Variants in BRWD1 observed in about 807,000 individuals in gnomAD.
BRWD1 encodes bromodomain and WD repeat domain containing 1, also known as bromodomain and WD repeat-containing protein 1.
A neutral mutation model predicts 251.2 loss-of-function variants in BRWD1; 82 were observed. The observed-to-expected ratio is 0.33, with a 90% CI of 0.27 to 0.39. BRWD1 has a LOEUF of 0.39. Among genes scored for constraint, BRWD1 ranks in the 10% least tolerant of loss-of-function variants. The pLI, the probability that BRWD1 is intolerant of heterozygous loss-of-function variation, is 1.00. For synonymous variants in BRWD1, 918 were observed against 902.8 expected (o/e 1.02, Z -0.30); for missense variants, 2,233 against 2,711.6 (o/e 0.82, Z 3.92).
intron 28 of BRWD1, 21 bp from the exon 29 acceptor site, chr21:39,224,490 T>C (rs2033304186): frequency 1.3e-6 from 2 of 1,564,654 alleles, no homozygotes; most frequent in African/African-American, 2.7e-5. Flanking sequence ...ACAACAAATC[T>C]CTGGTTAGCC....
chr21:39,288,891 A>G (rs1037622552), intron 8 of BRWD1, among the ~76,000 whole-genome samples: 3 of 152,206 alleles, frequency 2.0e-5, no homozygotes, highest in African/African-American at 7.2e-5. Context: ...CAGAGGTGGA[A>G]GAAAATCTAT....
At chr21:39,258,122 T>C (rs1006245427) in intron 18 of BRWD1, among the ~76,000 whole-genome samples, 6 of 152,166 alleles carry the variant, frequency 3.9e-5, no homozygotes, top group Admixed American at 6.5e-5. Context: ...AACTTTCTGA[T>C]TCAATAAGAA....
chr21:39,296,501 G>A, intron 5 of BRWD1, 138 bp from the exon 6 acceptor site: 1 of 1,262,474 alleles, frequency 7.9e-7, no homozygotes, highest in Non-Finnish European at 1.0e-6. Flanking sequence ...AAAAGCCCTG[G>A]AGGTTTATTA....
At chr21:39,277,821 C>G (rs1483054729) in intron 10 of BRWD1, among the ~76,000 whole-genome samples, 4 of 152,058 alleles carry the variant, frequency 2.6e-5, no homozygotes, top group Non-Finnish European at 5.9e-5. Context: ...CCGCCTCAGC[C>G]TCCTAAAGTG....
chr21:39,192,741 T>G lies in BRWD1; in HGVS notation c.*3518A>C, dbSNP rs1239916588. ...AAAGTTACTCAAAAAATTGATACAA[T>G]GGAGTGGAAAGGAAAACAAAAAAGA... is the stretch of plus-strand genomic sequence containing the variant. On this transcript the variant is annotated 3_prime_UTR_variant, in exon 41 of 41. Coordinates refer to ENST00000342449, the MANE Select transcript of BRWD1 (RefSeq NM_033656.4). 1 of 984,892 alleles carries G rather than the reference T, an allele frequency of 1.0e-6. No homozygotes were observed. Among genetic ancestry groups the G allele is most frequent in the African/African-American group, 1.7e-5 (1 of 57,206 alleles). 61.0% of individuals were successfully genotyped at this position (984,892 alleles called of 1,614,324 possible).
At chr21:39,210,409 A>C (rs1332606945) in intron 35 of BRWD1, among the ~76,000 whole-genome samples, 1 of 152,084 alleles carries the variant, frequency 6.6e-6, no homozygotes, top group Non-Finnish European at 1.5e-5. Context: ...TCCTACAGTC[A>C]CTCTGTGCTG....
At chr21:39,206,046 A>G (rs2032373422) in intron 37 of BRWD1, 62 bp downstream of exon 37, 5 of 1,494,750 alleles carry the variant, frequency 3.3e-6, no homozygotes, top group Non-Finnish European at 4.5e-6. Context: ...CCTGGGTGAC[A>G]CAGTGAGACT....
intron 8 of BRWD1, among the ~76,000 whole-genome samples, chr21:39,283,091 TA>T (rs1239157055): frequency 6.6e-6 from 1 of 152,202 alleles, no homozygotes; most frequent in Non-Finnish European, 1.5e-5. Context: ...TATCTTCATC[TA>T]TTCATGGACT....
chr21:39,257,966 TAAA>T (rs2034615678), intron 18 of BRWD1, among the ~76,000 whole-genome samples: 1 of 152,188 alleles, frequency 6.6e-6, no homozygotes, highest in East Asian at 1.9e-4. Context: ...AGTACTATTT[TAAA>T]TGAATAATGA....
chr21:39,196,023 T>C lies in BRWD1; in HGVS notation c.*236A>G. ...TCTTGCTATATGTAGTCAAATACTG[T>C]CAAAATAGATCTGCCCCCAAAATGA... On this transcript the variant is annotated 3_prime_UTR_variant, in exon 41 of 41. Coordinates refer to ENST00000342449, the MANE Select transcript of BRWD1 (RefSeq NM_033656.4). 3.2e-6 allele frequency: 4 copies of C among 1,234,540 alleles called. No individual in the cohort carries two copies. Among genetic ancestry groups the C allele is most frequent in the Non-Finnish European group, 4.1e-6 (4 of 987,428 alleles). The allele number at this position is 1,234,540 out of a possible 1,614,324, so 76.5% of individuals were successfully genotyped here.
In BRWD1 at chr21:39,187,438, C is replaced by A; in HGVS notation, c.*8821G>T. The A allele has an allele frequency of 1.3e-6, 2 of 1,526,960 alleles. No homozygotes were observed. The highest frequency in any genetic ancestry group is 2.6e-5 in the South Asian group (2 of 76,774). The allele number at this position is 1,526,960 out of a possible 1,614,324, so 94.6% of individuals were successfully genotyped here. ...AAATTCTGAAAAATGAGTGAAAGTT[C>A]ATGTAAATGCAAAAATCTTGTAACA... On this transcript the variant is annotated 3_prime_UTR_variant, in exon 41 of 41. Transcript: ENST00000342449.
chr21:39,269,271 C>G (rs2035028304), intron 15 of BRWD1, among the ~76,000 whole-genome samples: 1 of 148,530 alleles, frequency 6.7e-6, no homozygotes, highest in Non-Finnish European at 1.5e-5. Context: ...TTTAAGAATA[C>G]ACCTGTACAT....
At chr21:39,238,685 G>A in intron 21 of BRWD1, 112 bp from the exon 22 acceptor site, 1 of 685,054 alleles carries the variant, frequency 1.5e-6, no homozygotes, top group Non-Finnish European at 2.5e-6. Flanking sequence ...TAAGAAAAAT[G>A]AACAGTAATC....
chr21:39,283,771 A>G (rs1007506743), intron 8 of BRWD1, among the ~76,000 whole-genome samples: 2 of 152,232 alleles, frequency 1.3e-5, no homozygotes, highest in African/African-American at 4.8e-5. Context: ...TTGCAGTATC[A>G]CTGACATACA....
intron 29 of BRWD1, among the ~76,000 whole-genome samples, chr21:39,220,782 G>C (rs958049412): frequency 2.0e-5 from 3 of 152,104 alleles, no homozygotes; most frequent in African/African-American, 7.2e-5. Context: ...ACAACAAGCA[G>C]TAAGGTGAAT....
At chr21:39,261,953 A>C (rs1216866454) in intron 17 of BRWD1, among the ~76,000 whole-genome samples, 1 of 152,226 alleles carries the variant, frequency 6.6e-6, no homozygotes, top group Non-Finnish European at 1.5e-5. Context: ...ATATAAAGAC[A>C]CAGATCAGCT....
chr21:39,219,599 C>A (rs2146521058), intron 29 of BRWD1: 1 of 152,328 alleles, frequency 6.6e-6, no homozygotes, highest in Non-Finnish European at 1.5e-5. Flanking sequence ...ATTTTAACAG[C>A]TGCTAAATGA....
Position 39,187,297 on chromosome 21 carries a change from G to T in BRWD1, c.*8962C>A, listed in dbSNP as rs1233611990. 6.2e-7 allele frequency: 1 copy of T among 1,613,758 alleles called. No individual in the cohort carries two copies. The highest frequency in any genetic ancestry group is 8.5e-7 in the Non-Finnish European group (1 of 1,179,916). The stretch of plus-strand genomic sequence containing the variant: ...TGCAGCAACAGTAGCACATCTGCGG[G>T]GAACTTTCTCAGGTACCATTTTTGC... On this transcript the variant is annotated 3_prime_UTR_variant, in exon 41 of 41. Coordinates refer to ENST00000342449, the MANE Select transcript of BRWD1 (RefSeq NM_033656.4).
chr21:39,198,409 T>G (rs1455872056), intron 40 of BRWD1, among the ~76,000 whole-genome samples: 1 of 152,230 alleles, frequency 6.6e-6, no homozygotes, highest in Non-Finnish European at 1.5e-5. Flanking sequence ...GTCTACTACT[T>G]AAGCTATCAA....
Sources: gnomAD v4.1 joint callset for allele counts (sites outside exome capture counted in the v4.1 genomes callset) on GRCh38, gnomAD v4.1.1 for gene constraint, MANE v1.5 for transcripts, NCBI Gene and HGNC (gene_info 2026-07-23, HGNC 2026-07-21) for gene names.